The following MOV10 variants were observed in gnomAD, a reference collection of about 807,000 sequenced individuals.
MOV10 encodes the protein Mov10 RNA helicase.
MOV10 carries 39 observed loss-of-function variants against 108.4 expected under a neutral mutation model. That is an observed-to-expected ratio of 0.36 (90% CI 0.28 to 0.47). The LOEUF is 0.47. Ranked by LOEUF, MOV10 falls within the 20% of genes least tolerant of loss-of-function variation. MOV10 has a pLI of 1.00. For synonymous variants in MOV10, 490 were observed against 523.1 expected (o/e 0.94, Z 0.86); for missense variants, 952 against 1,297.6 (o/e 0.73, Z 4.09).
Position 112,690,004 on chromosome 1 carries a change from G to A in MOV10, c.742G>A (p.Ala248Thr). 1 of 1,614,132 alleles carries A rather than the reference G, an allele frequency of 6.2e-7. No individual in the cohort carries two copies. ...TGCCGTCGCCCACAGCCCCCTGGCT[G>A]CACAGCTGAAGCCCATGACTCCCTT... ...LAAVAHSPLA[A>T]QLKPMTPFKR... The change falls in exon 5 of 21, where the codon GCA becomes ACA. Residue 248 changes from alanine (A) to threonine (T), a missense_variant. By Grantham distance (58) the Ala-to-Thr change is moderately conservative. Transcript: ENST00000369645.
chr1:112,698,014 A>G lies in MOV10; in HGVS notation c.2219A>G (p.Asp740Gly). Reference protein sequence around the residue: ...RNYRSHPTILDIPNQLYYEGE... With the variant: ...RNYRSHPTILGIPNQLYYEGE... ...CCCAGGTCTCATCCCACCATCCTGG[A>G]CATTCCTAACCAGCTCTATTATGAA... Residue 740 changes from aspartate to glycine, a missense_variant, in exon 15 of 21, where the codon GAC becomes GGC. Coordinates refer to ENST00000369645, the MANE Select transcript of MOV10 (RefSeq NM_001321324.2). 1 of 1,614,144 alleles carries G rather than the reference A, an allele frequency of 6.2e-7. No homozygotes were observed. Among genetic ancestry groups the G allele is most frequent in the East Asian group, 2.2e-5 (1 of 44,878 alleles).
At chr1:112,695,324 C>T in intron 10 of MOV10, 92 bp from the exon 11 acceptor site, 1 of 1,324,500 alleles carries the variant, frequency 7.6e-7, no homozygotes. Flanking sequence ...TCACCATTCA[C>T]ATTTCAGTCA....
intron 2 of MOV10, 193 bp from the exon 3 acceptor site, chr1:112,688,742 T>C: frequency 7.0e-7 from 1 of 1,436,908 alleles, no homozygotes; most frequent in Non-Finnish European, 9.1e-7. Flanking sequence ...GAAGTCCCAT[T>C]GCCTTCCCTG....
chr1:112,689,712 C>A, intron 4 of MOV10, 62 bp downstream of exon 4: 1 of 1,590,160 alleles, frequency 6.3e-7, no homozygotes, highest in Non-Finnish European at 8.6e-7. Flanking sequence ...AGTGCTTATG[C>A]TTTGGGAAAC....
chr1:112,686,839 A>G (rs543109295), intron 2 of MOV10: 1 of 430,830 alleles, frequency 2.3e-6, no homozygotes, highest in South Asian at 1.7e-5. Flanking sequence ...CTAATTTTAC[A>G]TTCTAAGTAT....
chr1:112,700,639 C>T lies in MOV10; in HGVS notation c.*132C>T, dbSNP rs1316966167. 5 of 1,544,070 alleles carry T rather than the reference C, an allele frequency of 3.2e-6. No individual in the cohort carries two copies. The highest frequency in any genetic ancestry group is 4.9e-5 in the East Asian group (2 of 40,916). ...AGGGAGTTTACAACCCAAGCCATTC[C>T]ACCCCCTCCCCTGCTGGGGAGAATG... is the stretch of plus-strand genomic sequence containing the variant. On this transcript the variant is annotated 3_prime_UTR_variant, in exon 21 of 21. Coordinates refer to ENST00000369645, the MANE Select transcript of MOV10 (RefSeq NM_001321324.2).
At position 112,674,702 on chromosome 1, in the gene MOV10, G is replaced by A. The variant is rs940570913; in HGVS notation, c.-93G>A. 1 of 501,690 alleles carries A rather than the reference G, an allele frequency of 2.0e-6. No homozygotes were observed. Among genetic ancestry groups the A allele is most frequent in the African/African-American group, 2.0e-5 (1 of 48,816 alleles). 31.1% of individuals were successfully genotyped at this position (501,690 alleles called of 1,614,324 possible). On this transcript the variant is annotated 5_prime_UTR_variant, in exon 1 of 21. Transcript: ENST00000369645. ...TTAATGCGAAGAGGGGGAGGGGATA[G>A]GACGAAGAAACCGAAGGGAAAGCTC...
chr1:112,684,641 G>A (rs1672934240), intron 2 of MOV10, among the ~76,000 whole-genome samples: 1 of 152,094 alleles, frequency 6.6e-6, no homozygotes, highest in Admixed American at 6.6e-5. Flanking sequence ...CCAAAAGATG[G>A]CAATACTTGA....
chr1:112,699,620 C>T, intron 17 of MOV10, 65 bp from the exon 18 acceptor site: 1 of 1,606,646 alleles, frequency 6.2e-7, no homozygotes, highest in Non-Finnish European at 8.5e-7. Flanking sequence ...AAGGCAAGCT[C>T]CCTGGGGTAG....
At chr1:112,680,108 A>G (rs977413028) in intron 2 of MOV10, among the ~76,000 whole-genome samples, 1 of 152,112 alleles carries the variant, frequency 6.6e-6, no homozygotes. Flanking sequence ...TATCTTTTGT[A>G]GCCATTCAAA....
At chr1:112,685,792 T>G (rs1216605319) in intron 2 of MOV10, among the ~76,000 whole-genome samples, 1 of 152,228 alleles carries the variant, frequency 6.6e-6, no homozygotes, top group Admixed American at 6.5e-5. Context: ...AATTTTTGTA[T>G]GACTGTTACC....
rs1422765637 is a variant in MOV10 at position 112,699,939 on chromosome 1, G to A, written c.2755G>A (p.Val919Met). 2 of 1,614,088 alleles carry A rather than the reference G, an allele frequency of 1.2e-6. No individual in the cohort carries two copies. The highest frequency in any genetic ancestry group is 8.5e-7 in the Non-Finnish European group (1 of 1,180,012). Residue 919 changes from valine (V) to methionine (M), a missense_variant, in exon 19 of 21, where the codon GTG (valine) becomes ATG (methionine). Val to Met is a conservative substitution (Grantham distance 21). Transcript: ENST00000369645. Reference sequence around the variant, plus strand: ...CCGGGCCAAGGCCCTGCTCATCATCGTGGGGAACCCCCTTCTCCTGGGCCA... The same window carrying A: ...CCGGGCCAAGGCCCTGCTCATCATCATGGGGAACCCCCTTCTCCTGGGCCA... ...VTRAKALLII[V>M]GNPLLLGHDP...
At chr1:112,697,887 C>T (rs1415145183) in intron 14 of MOV10, 107 bp from the exon 15 acceptor site, 19 of 863,510 alleles carry the variant, frequency 2.2e-5, no homozygotes, top group Admixed American at 3.7e-5. Context: ...AGGGAGCCAG[C>T]GGGGTAGCAG....
intron 7 of MOV10, 160 bp from the exon 8 acceptor site, chr1:112,693,858 T>A: frequency 1.7e-6 from 1 of 588,734 alleles, no homozygotes; most frequent in Non-Finnish European, 3.0e-6. Context: ...CTCCTGCTGG[T>A]ATGAAAGGAA....
In MOV10 at chr1:112,694,680, G is replaced by T; in HGVS notation, c.1472+51G>T. 4.4e-6 allele frequency: 7 copies of T among 1,594,242 alleles called. No individual in the cohort carries two copies. The highest frequency in any genetic ancestry group is 1.3e-5 in the African/African-American group (1 of 74,784). On this transcript the variant is annotated intron_variant, in intron 9 of 20. Transcript: ENST00000369645. This position sits in a 1 kb window ranked among gnomAD's most constrained non-coding sequence, Gnocchi z 4.1. Reference sequence around the variant, plus strand: ...GGAGCCACTTGGAGTGTGGGCACAGGGGGTGGAGTCAGGGAGGCCTCTGGG... The same window carrying T: ...GGAGCCACTTGGAGTGTGGGCACAGTGGGTGGAGTCAGGGAGGCCTCTGGG...
chr1:112,692,765 C>T lies in MOV10; in HGVS notation c.976C>T (p.Gln326Ter), dbSNP rs1470481130. Residue 326 changes from glutamine (Q) to a stop codon, truncating the protein, a stop_gained, in exon 7 of 21, where the codon CAG becomes TAG. Transcript: ENST00000369645. LOFTEE classifies it high-confidence loss of function. Reference protein sequence around the residue: ...APKEIAEIKAQLETALKWRNY... With the variant: ...APKEIAEIKA ...CCTCCCAACCATCATTTCCAGGGCCCAGCTGGAGACAGCCCTGAAGTGGAG... is the reference window on the plus strand; with the variant it reads ...CCTCCCAACCATCATTTCCAGGGCCTAGCTGGAGACAGCCCTGAAGTGGAG... 1 of 1,613,926 alleles carries T rather than the reference C, an allele frequency of 6.2e-7. No homozygotes were observed. The highest frequency in any genetic ancestry group is 1.1e-5 in the South Asian group (1 of 91,066).
chr1:112,689,029 A>C lies in MOV10; in HGVS notation c.232A>C (p.Arg78=). The C allele has an allele frequency of 6.2e-7, 1 of 1,612,650 alleles. No homozygotes were observed. The highest frequency in any genetic ancestry group is 8.5e-7 in the Non-Finnish European group (1 of 1,180,028). The part of the protein sequence containing the change: ...YVTKTRVRFF[R]LDRWADVRFP... ...CACCAAGACTCGGGTCAGGTTCTTCAGACTCGACCGCTGGGCCGACGTGCG... is the reference window on the plus strand; with the variant it reads ...CACCAAGACTCGGGTCAGGTTCTTCCGACTCGACCGCTGGGCCGACGTGCG... The change falls in exon 3 of 21, where the codon AGA becomes CGA. Residue 78 remains arginine (R), a synonymous_variant. Transcript: ENST00000369645.
At chr1:112,693,896 C>A in intron 7 of MOV10, 122 bp from the exon 8 acceptor site, 1 of 773,822 alleles carries the variant, frequency 1.3e-6, no homozygotes, top group East Asian at 2.6e-5. Context: ...GCATAACTCC[C>A]TGAGTCTTAG....
rs752407299 is a variant in MOV10 at position 112,694,823 on chromosome 1, G to A, written c.1547G>A (p.Arg516His). 1 of 1,614,136 alleles carries A rather than the reference G, an allele frequency of 6.2e-7. No homozygotes were observed. Among genetic ancestry groups the A allele is most frequent in the African/African-American group, 1.3e-5 (1 of 75,026 alleles). Residue 516 changes from arginine (R) to histidine (H), a missense_variant, in exon 10 of 21, where the codon CGT (arginine) becomes CAT (histidine). By Grantham distance (29) the Arg-to-His change is conservative (BLOSUM62 0). Transcript: ENST00000369645. The surrounding 1 kb of genome is among the most constrained non-coding windows in gnomAD (Gnocchi z 4.1). Reference protein sequence around the residue: ...AMRHIVTGTTRPAPYIIFGPP... With the variant: ...AMRHIVTGTTHPAPYIIFGPP... ...AGGCACATTGTTACGGGCACCACCCGTCCAGCCCCCTACATCATCTTTGGG... is the reference window on the plus strand; with the variant it reads ...AGGCACATTGTTACGGGCACCACCCATCCAGCCCCCTACATCATCTTTGGG...
Sources: allele counts gnomAD v4.1 joint callset (sites outside exome capture counted in the v4.1 genomes callset), GRCh38; gene constraint gnomAD v4.1.1; non-coding constraint Gnocchi (gnomAD v3.1); transcripts MANE v1.5; gene names NCBI Gene and HGNC (gene_info 2026-07-23, HGNC 2026-07-21).